Variants in CREBBP observed in about 807,000 individuals in gnomAD.
CREBBP encodes CREB binding lysine acetyltransferase, also known as CREB-binding protein.
A neutral mutation model predicts 265.0 loss-of-function variants in CREBBP; 19 were observed. The ratio of observed to expected loss-of-function variants is 0.07; its 90% CI spans 0.05 to 0.11. The LOEUF is 0.11. CREBBP is among the 10% of genes least tolerant of loss of function. The probability of loss-of-function intolerance (pLI) is 1.00; values close to 1 mark genes in which losing one functional copy is unlikely to be tolerated. For missense variants in CREBBP, 2,525 were observed against 3,219.0 expected (o/e 0.78, Z 5.22); for synonymous variants, 1,457 against 1,223.7 (o/e 1.19, Z -3.98).
intron 2 of CREBBP, among the ~76,000 whole-genome samples, chr16:3,849,436 T>TGTGTGTG (rs1567360355): frequency 2.8e-3 from 32 of 11,406 alleles, no homozygotes; most frequent in Non-Finnish European, 9.3e-3. Flanking sequence ...TGTGTGTGTG[T>TGTGTGTG]GTGTGTGTGT....
chr16:3,849,456 T>TGTGTGTGTGTGTG, intron 2 of CREBBP, among the ~76,000 whole-genome samples: 1 of 120,648 alleles, frequency 8.3e-6, no homozygotes, highest in Non-Finnish European at 1.8e-5. Flanking sequence ...TGTGTGTGTG[T>TGTGTGTGTGTGTG]GTGTGTGTGT....
intron 1 of CREBBP, among the ~76,000 whole-genome samples, chr16:3,872,407 AC>A (rs1271407572): frequency 6.6e-6 from 1 of 151,968 alleles, no homozygotes; most frequent in Non-Finnish European, 1.5e-5. Flanking sequence ...CTATTGTAGC[AC>A]CCCTGTCAGC....
In CREBBP at chr16:3,727,812, A is replaced by G. The variant is rs2151298389; in HGVS notation, c.7235T>C (p.Leu2412Pro). 6.2e-7 allele frequency: 1 copy of G among 1,614,154 alleles called. No homozygotes were observed. ...CAGCGCACTCCTGCTGGGGGTGTTC[A>G]GCTGGGGGAGCATTGCACTCTGTTC... ...NPEQSAMLPQ[L>P]NTPSRSALSS... Residue 2412 changes from leucine (L) to proline (P), a missense_variant, in exon 31 of 31, where the codon CTG becomes CCG. Physicochemically the swap from Leu to Pro is moderately conservative, Grantham distance 98. Around this residue, in one of 19 missense-constraint regions of CREBBP, gnomAD observed 473 missense variants for 459.3 expected, o/e 1.03. Transcript: ENST00000262367.
intron 5 of CREBBP, among the ~76,000 whole-genome samples, chr16:3,788,580 A>C (rs73501791): frequency 0.088 from 13,475 of 152,282 alleles, 1,647 homozygotes; most frequent in African/African-American, 0.28. Flanking sequence ...AATTATTCAA[A>C]AAAAATTGAA....
Position 3,848,119 on chromosome 16 carries a change from C to A in CREBBP, c.798+2178G>T, listed in dbSNP as rs1463410706. On this transcript the variant is annotated intron_variant, in intron 2 of 30. Coordinates refer to ENST00000262367, the MANE Select transcript of CREBBP (RefSeq NM_004380.3). ...CAGGAGGCGGAGGTTGCAGTGAGCCCAGATGGTGCCACTGCACTCCAGACA... is the reference window on the plus strand; with the variant it reads ...CAGGAGGCGGAGGTTGCAGTGAGCCAAGATGGTGCCACTGCACTCCAGACA... Among the ~76,000 whole-genome samples, 2 of 151,144 alleles carry A rather than the reference C, an allele frequency of 1.3e-5. 1 individual carries two copies. The highest frequency in any genetic ancestry group is 1.3e-4 in the Admixed American group (2 of 15,150).
At chr16:3,777,000 A>T (rs1430972586) in intron 11 of CREBBP, among the ~76,000 whole-genome samples, 1 of 150,748 alleles carries the variant, frequency 6.6e-6, no homozygotes, top group African/African-American at 2.4e-5. Context: ...CCTGGGCAAC[A>T]AAGTAAGGCT....
At chr16:3,762,616 A>C (rs2052749279) in intron 16 of CREBBP, among the ~76,000 whole-genome samples, 1 of 152,126 alleles carries the variant, frequency 6.6e-6, no homozygotes, top group Non-Finnish European at 1.5e-5. Flanking sequence ...TCCACGCGGC[A>C]GGGCTGTTGC....
rs777678749 is a variant in CREBBP, at chr16:3,767,861, C to A, written c.3109G>T (p.Asp1037Tyr). Residue 1037 changes from aspartate to tyrosine, a missense_variant, in exon 16 of 31, where the codon GAC becomes TAC. By Grantham distance (160) the Asp-to-Tyr change is radical (BLOSUM62 -3). Around this residue, in one of 19 missense-constraint regions of CREBBP, gnomAD observed 548 missense variants for 533.0 expected, o/e 1.03. Transcript: ENST00000262367. ...GGTTCTGATTTCTGCTCTGCTATGT[C>A]TGTTTCTTCTTTAACTTGGGAAGCT... ...QGASQVKEET[D>Y]IAEQKSEPME... 1.2e-6 allele frequency: 2 copies of A among 1,614,064 alleles called. No individual in the cohort carries two copies. The highest frequency in any genetic ancestry group is 2.7e-5 in the African/African-American group (2 of 74,924).
At chr16:3,857,949 T>C (rs968193323) in intron 1 of CREBBP, among the ~76,000 whole-genome samples, 2 of 152,072 alleles carry the variant, frequency 1.3e-5, no homozygotes, top group African/African-American at 4.8e-5. Context: ...AGTAGGGACT[T>C]AGGAAGGAGA....
chr16:3,768,137 T>TG (rs1491199622), intron 15 of CREBBP, among the ~76,000 whole-genome samples: 11 of 49,496 alleles, frequency 2.2e-4, no homozygotes, highest in African/African-American at 1.3e-3. Context: ...TTTAAAAGTG[T>TG]TTTTTTTTTT....
At chr16:3,764,137 TTTC>T (rs1319536662) in intron 16 of CREBBP, among the ~76,000 whole-genome samples, 4 of 152,136 alleles carry the variant, frequency 2.6e-5, no homozygotes, top group African/African-American at 9.7e-5. Flanking sequence ...GTTTAAAATT[TTTC>T]TTCTTTTTTT....
In CREBBP at chr16:3,728,277, T is replaced by C; in HGVS notation, c.6770A>G (p.Gln2257Arg). 6.2e-7 allele frequency: 1 copy of C among 1,612,310 alleles called. No individual in the cohort carries two copies. The highest frequency in any genetic ancestry group is 8.5e-7 in the Non-Finnish European group (1 of 1,179,602). ...QQRMQQHLPL[Q>R]GSSMGQMAAQ... is the part of the protein sequence containing the mutation. Reference sequence around the variant, plus strand: ...CGCCATCTGGCCCATGGAGCTGCCCTGGAGGGGGAGATGCTGCTGCATGCG... The same window carrying C: ...CGCCATCTGGCCCATGGAGCTGCCCCGGAGGGGGAGATGCTGCTGCATGCG... Residue 2257 changes from glutamine to arginine, a missense_variant, in exon 31 of 31, where the codon CAG becomes CGG. Transcript: ENST00000262367. This position sits in a 1 kb window ranked among gnomAD's most constrained non-coding sequence, Gnocchi z 8.7.
rs902901184 is a variant in CREBBP at position 3,781,286 on chromosome 16, G to T, written c.1594C>A (p.Pro532Thr). 3 of 1,613,622 alleles carry T rather than the reference G, an allele frequency of 1.9e-6. No individual in the cohort carries two copies. The highest frequency in any genetic ancestry group is 1.1e-5 in the South Asian group (1 of 91,062). ...TGATCTGTTGTTATTCCTCCTGCTGGAATGTTCATTGGATTATTTCCTTTA... is the reference window on the plus strand; with the variant it reads ...TGATCTGTTGTTATTCCTCCTGCTGTAATGTTCATTGGATTATTTCCTTTA... The part of the protein sequence containing the change: ...NPLGNNPMNI[P>T]AGGITTDQQP... Residue 532 changes from proline (P) to threonine (T), a missense_variant, in exon 7 of 31, where the codon CCA becomes ACA. By Grantham distance (38) the Pro-to-Thr change is conservative. Coordinates refer to ENST00000262367, the MANE Select transcript of CREBBP (RefSeq NM_004380.3).
chr16:3,730,831 G>C (rs1342519799), intron 30 of CREBBP, among the ~76,000 whole-genome samples: 1 of 152,184 alleles, frequency 6.6e-6, no homozygotes, highest in Non-Finnish European at 1.5e-5. Context: ...AGGGGAGTGA[G>C]GGAGCATGAC....
At position 3,731,318 on chromosome 16, in the gene CREBBP, G is replaced by C. The variant is rs2151316649; in HGVS notation, c.5046C>G (p.Arg1682=). The change falls in exon 30 of 31, where the codon CGC becomes CGG. Residue 1682 remains arginine (R), a synonymous_variant. Transcript: ENST00000262367. This position sits in a 1 kb window ranked among gnomAD's most constrained non-coding sequence, Gnocchi z 7.7. ...RDKHWEFSSL[R]RSKWSTLCML... Reference sequence around the variant, plus strand: ...TGCAGAGCGTGGACCACTTGGAGCGGCGCAAGGAGGAGAACTCCCAGTGCT... The same window carrying C: ...TGCAGAGCGTGGACCACTTGGAGCGCCGCAAGGAGGAGAACTCCCAGTGCT... 6.2e-7 allele frequency: 1 copy of C among 1,614,146 alleles called. No individual in the cohort carries two copies. The highest frequency in any genetic ancestry group is 8.5e-7 in the Non-Finnish European group (1 of 1,180,014).
rs1288923624 is a variant in CREBBP, at chr16:3,770,927, G to A, written c.2523C>T (p.Ser841=). 6.2e-7 allele frequency: 1 copy of A among 1,613,760 alleles called. No homozygotes were observed. The highest frequency in any genetic ancestry group is 8.5e-7 in the Non-Finnish European group (1 of 1,180,020). The change falls in exon 14 of 31, where the codon AGC becomes AGT. Residue 841 remains serine (S), a synonymous_variant. Coordinates refer to ENST00000262367, the MANE Select transcript of CREBBP (RefSeq NM_004380.3). ...GTGTCACTGGAGGGCAAGGTAGCTG[G>A]CTGGCCTGAGGCCCCAGCATGTTGA... ...NPLNMLGPQA[S]QLPCPPVTQS... is the part of the protein sequence containing the mutation.
intron 23 of CREBBP, 78 bp from the exon 24 acceptor site, chr16:3,740,627 C>G (rs2151341817): frequency 2.6e-6 from 4 of 1,525,396 alleles, no homozygotes; most frequent in Non-Finnish European, 2.7e-6. Context: ...AGAATCCACC[C>G]CACTTTGCAG....
At chr16:3,773,641 T>C in intron 13 of CREBBP, 110 bp downstream of exon 13, 4 of 1,144,558 alleles carry the variant, frequency 3.5e-6, no homozygotes, top group Middle Eastern at 2.3e-4. Flanking sequence ...AGACATGAAA[T>C]GTGCATTCTG....
intron 28 of CREBBP, among the ~76,000 whole-genome samples, chr16:3,732,698 G>A (rs949977182): frequency 2.0e-5 from 3 of 151,820 alleles, no homozygotes; most frequent in Non-Finnish European, 2.9e-5. Flanking sequence ...CACCATGCCC[G>A]GCTACCTATC....
Sources: gnomAD v4.1 joint callset for allele counts (sites outside exome capture counted in the v4.1 genomes callset) on GRCh38, gnomAD v4.1.1 for gene constraint, gnomAD v4.1.1 regional missense constraint, Gnocchi (gnomAD v3.1) non-coding constraint, MANE v1.5 for transcripts, NCBI Gene and HGNC (gene_info 2026-07-23, HGNC 2026-07-21) for gene names.